The following PPP3CA variants were observed in gnomAD, a reference collection of about 807,000 sequenced individuals.
PPP3CA encodes protein phosphatase 3 catalytic subunit alpha.
A neutral mutation model predicts 66.5 loss-of-function variants in PPP3CA; 14 were observed. That is an observed-to-expected ratio of 0.21 (90% CI 0.14 to 0.33). The LOEUF is 0.33. Among genes scored for constraint, PPP3CA ranks in the 10% least tolerant of loss-of-function variants. PPP3CA has a pLI of 1.00. For synonymous variants in PPP3CA, 232 were observed against 226.2 expected (o/e 1.03, Z -0.23); for missense variants, 317 against 639.5 (o/e 0.50, Z 5.44).
intron 1 of PPP3CA, among the ~76,000 whole-genome samples, chr4:101,258,713 T>C (rs1334694190): frequency 2.0e-5 from 3 of 152,076 alleles, no homozygotes; most frequent in Non-Finnish European, 4.4e-5. Flanking sequence ...GAGACTTCCT[T>C]TGCTAAAACT....
chr4:101,310,147 GT>G (rs921189366), intron 1 of PPP3CA, among the ~76,000 whole-genome samples: 1 of 152,114 alleles, frequency 6.6e-6, no homozygotes, highest in African/African-American at 2.4e-5. Flanking sequence ...TTAACTTCCT[GT>G]TTTTCTACCT....
At chr4:101,175,928 G>A (rs533440978) in intron 2 of PPP3CA, among the ~76,000 whole-genome samples, 1 of 152,034 alleles carries the variant, frequency 6.6e-6, no homozygotes, top group African/African-American at 2.4e-5. Flanking sequence ...GATATCTCTA[G>A]TACACTCCCA....
intron 1 of PPP3CA, among the ~76,000 whole-genome samples, chr4:101,238,147 C>A (rs915803940): frequency 6.6e-6 from 1 of 152,002 alleles, no homozygotes. Context: ...TCCAGACAAA[C>A]CTTCTTTTTA....
intron 11 of PPP3CA, among the ~76,000 whole-genome samples, chr4:101,040,076 G>C (rs1727439811): frequency 6.6e-6 from 1 of 152,062 alleles, no homozygotes; most frequent in Admixed American, 6.5e-5. Context: ...CTTTATGGCT[G>C]ATGTTCATTT....
intron 6 of PPP3CA, among the ~76,000 whole-genome samples, chr4:101,089,115 G>A (rs1298764175): frequency 6.6e-6 from 1 of 152,150 alleles, no homozygotes; most frequent in East Asian, 1.9e-4. Context: ...TTGAGCTCAG[G>A]AAAAGAGATG....
chr4:101,250,172 T>A (rs893187398), intron 1 of PPP3CA, among the ~76,000 whole-genome samples: 11 of 152,190 alleles, frequency 7.2e-5, no homozygotes, highest in African/African-American at 2.7e-4. Context: ...CTAAGCCTTT[T>A]CTTATAGATT....
At chr4:101,179,757 A>G (rs1399886489) in intron 2 of PPP3CA, among the ~76,000 whole-genome samples, 1 of 152,150 alleles carries the variant, frequency 6.6e-6, no homozygotes, top group Non-Finnish European at 1.5e-5. Context: ...TTGAATCAAG[A>G]TAATTTGTCA....
intron 1 of PPP3CA, among the ~76,000 whole-genome samples, chr4:101,338,354 A>G (rs749311904): frequency 5.3e-5 from 8 of 152,378 alleles, no homozygotes; most frequent in Non-Finnish European, 8.8e-5. Flanking sequence ...GTCAAGACTC[A>G]TCAGACATTT....
chr4:101,189,432 A>G (rs2110183412), intron 2 of PPP3CA, among the ~76,000 whole-genome samples: 1 of 152,230 alleles, frequency 6.6e-6, no homozygotes, highest in East Asian at 1.9e-4. Context: ...ACATATGGTT[A>G]CTTCCAGATT....
chr4:101,031,810 CAA>C (rs1167617178), intron 12 of PPP3CA, among the ~76,000 whole-genome samples: 1 of 152,144 alleles, frequency 6.6e-6, no homozygotes, highest in Non-Finnish European at 1.5e-5. Context: ...AATTTCCATT[CAA>C]GAGGATAATG....
chr4:101,274,877 A>C (rs1425898453), intron 1 of PPP3CA, among the ~76,000 whole-genome samples: 1 of 152,212 alleles, frequency 6.6e-6, no homozygotes, highest in Non-Finnish European at 1.5e-5. Flanking sequence ...CTTTCTTATA[A>C]TCCAAGACAC....
At chr4:101,277,100 C>A (rs1727520139) in intron 1 of PPP3CA, among the ~76,000 whole-genome samples, 1 of 152,200 alleles carries the variant, frequency 6.6e-6, no homozygotes, top group East Asian at 1.9e-4. Context: ...GATTCACTAA[C>A]CTTTTCACTG....
At chr4:101,185,474 G>C (rs1724382379) in intron 2 of PPP3CA, among the ~76,000 whole-genome samples, 1 of 152,064 alleles carries the variant, frequency 6.6e-6, no homozygotes, top group South Asian at 2.1e-4. Flanking sequence ...GGTCATGTGG[G>C]GGAAGACAAA....
chr4:101,032,413 AAAAG>A (rs751118423), intron 11 of PPP3CA, 49 bp from the exon 12 acceptor site: 23 of 1,487,960 alleles, frequency 1.5e-5, no homozygotes, highest in Admixed American at 3.7e-5. Context: ...TCTTTTGTGA[AAAAG>A]AAAGAAATGA....
At chr4:101,113,415 G>C in intron 2 of PPP3CA, among the ~76,000 whole-genome samples, 1 of 152,112 alleles carries the variant, frequency 6.6e-6, no homozygotes, top group East Asian at 1.9e-4. Flanking sequence ...GTGTGGAGGA[G>C]ATGAACACTG....
At chr4:101,223,716 C>T (rs559019225) in intron 1 of PPP3CA, among the ~76,000 whole-genome samples, 10 of 151,850 alleles carry the variant, frequency 6.6e-5, no homozygotes, top group South Asian at 6.2e-4. Flanking sequence ...TTATAAAATA[C>T]GTAAATGAAA....
chr4:101,156,942 G>C (rs944639296), intron 2 of PPP3CA, among the ~76,000 whole-genome samples: 1 of 152,148 alleles, frequency 6.6e-6, no homozygotes, highest in African/African-American at 2.4e-5. Flanking sequence ...AATTAGAAGA[G>C]AAAGAGACAA....
intron 1 of PPP3CA, among the ~76,000 whole-genome samples, chr4:101,235,025 T>TAC (rs1237063180): frequency 1.3e-5 from 2 of 151,726 alleles, no homozygotes; most frequent in African/African-American, 4.8e-5. Flanking sequence ...CATATATATA[T>TAC]ACACACTACT....
At chr4:101,286,247 G>A (rs999798266) in intron 1 of PPP3CA, among the ~76,000 whole-genome samples, 6 of 152,182 alleles carry the variant, frequency 3.9e-5, no homozygotes, top group African/African-American at 1.4e-4. Context: ...TGTGTGCCCA[G>A]GTTCCTAACA....
Sources: allele counts gnomAD v4.1 joint callset (sites outside exome capture counted in the v4.1 genomes callset), GRCh38; gene constraint gnomAD v4.1.1; transcripts MANE v1.5; gene names NCBI Gene and HGNC (gene_info 2026-07-23, HGNC 2026-07-21).